Variants in VSTM2L observed in about 807,000 individuals in gnomAD.
VSTM2L encodes the protein V-set and transmembrane domain-containing protein 2-like protein.
In VSTM2L, 9 loss-of-function variants were observed where a neutral mutation model predicts 19.9. The observed-to-expected ratio is 0.45, with a 90% CI of 0.27 to 0.79. VSTM2L has a LOEUF of 0.79. Ranked by LOEUF, VSTM2L falls within the 30% of genes least tolerant of loss-of-function variation. The pLI is 0.15. For synonymous variants in VSTM2L, 127 were observed against 133.8 expected, an observed-to-expected ratio of 0.95 and a Z score of 0.35; for missense variants, 286 against 295.5, an observed-to-expected ratio of 0.97 and a Z score of 0.24.
chr20:37,943,974 C>A lies in VSTM2L; in HGVS notation c.343-7C>A, dbSNP rs765133243. On this transcript the variant is annotated splice_polypyrimidine_tract_variant and splice_region_variant and intron_variant, in intron 3 of 3. Coordinates refer to ENST00000373461, the MANE Select transcript of VSTM2L (RefSeq NM_080607.3). ...TGGACAGGTCACGGTCTCTCTGTCA[C>A]CCCCAGGTGGTCAAGGTGGTGGGCA... 2.7e-6 allele frequency: 4 copies of A among 1,465,408 alleles called. No homozygotes were observed. Among genetic ancestry groups the A allele is most frequent in the South Asian group, 2.5e-5 (2 of 81,596 alleles). The allele number at this position is 1,465,408 out of a possible 1,614,324, so 90.8% of individuals were successfully genotyped here. A position where few individuals can be genotyped will look rare whatever the true frequency, so the allele number is the denominator to read the frequency against.
intron 1 of VSTM2L, 74 bp downstream of exon 1, chr20:37,903,545 C>T (rs1242026291): frequency 7.5e-7 from 1 of 1,332,276 alleles, no homozygotes. Context: ...AACTTGGCCG[C>T]CCCGGGGCTC....
At chr20:37,935,923 C>T (rs918941679) in intron 3 of VSTM2L, among the ~76,000 whole-genome samples, 93 of 146,914 alleles carry the variant, frequency 6.3e-4, no homozygotes, top group African/African-American at 2.3e-3. Flanking sequence ...TCACTGTTGT[C>T]ACCCAGGCTG....
intron 3 of VSTM2L, among the ~76,000 whole-genome samples, chr20:37,934,247 G>A (rs1168752279): frequency 6.6e-6 from 1 of 152,200 alleles, no homozygotes; most frequent in Non-Finnish European, 1.5e-5. Context: ...GGGCCCAGGG[G>A]AGTTCAGGGA....
At chr20:37,938,214 G>T (rs1361745557) in intron 3 of VSTM2L, among the ~76,000 whole-genome samples, 3 of 152,174 alleles carry the variant, frequency 2.0e-5, no homozygotes, top group Non-Finnish European at 4.4e-5. Context: ...TTTAGAGGAG[G>T]TCAGTGGGTT....
At chr20:37,928,356 A>G (rs1568839791) in intron 1 of VSTM2L, among the ~76,000 whole-genome samples, 1 of 151,760 alleles carries the variant, frequency 6.6e-6, no homozygotes, top group Non-Finnish European at 1.5e-5. Flanking sequence ...GTCAGGGAAG[A>G]CTCCAAGGGC....
chr20:37,907,132 G>A, intron 1 of VSTM2L, among the ~76,000 whole-genome samples: 1 of 152,174 alleles, frequency 6.6e-6, no homozygotes, highest in East Asian at 1.9e-4. Flanking sequence ...CTTGAGACAA[G>A]ATCTTGCTCT....
intron 1 of VSTM2L, among the ~76,000 whole-genome samples, chr20:37,923,234 T>C (rs1481041135): frequency 6.6e-6 from 1 of 152,150 alleles, no homozygotes; most frequent in Non-Finnish European, 1.5e-5. Context: ...AGGTTCATGC[T>C]GAACCAGGGT....
intron 3 of VSTM2L, among the ~76,000 whole-genome samples, chr20:37,936,710 G>A (rs1259384945): frequency 6.6e-6 from 1 of 152,188 alleles, no homozygotes; most frequent in Non-Finnish European, 1.5e-5. Context: ...CCCAGGAGCT[G>A]AGTCCTGGTT....
At chr20:37,929,467 G>C (rs960720096) in intron 1 of VSTM2L, among the ~76,000 whole-genome samples, 1 of 152,192 alleles carries the variant, frequency 6.6e-6, no homozygotes, top group African/African-American at 2.4e-5. Flanking sequence ...GGGCATGGTG[G>C]CTCATACCTA....
At chr20:37,930,499 C>T (rs1410373189) in intron 1 of VSTM2L, among the ~76,000 whole-genome samples, 1 of 151,984 alleles carries the variant, frequency 6.6e-6, no homozygotes, top group Non-Finnish European at 1.5e-5. Context: ...GTGACCTGCA[C>T]GTTGCCAGGC....
At chr20:37,920,953 A>G (rs2072847351) in intron 1 of VSTM2L, among the ~76,000 whole-genome samples, 1 of 152,142 alleles carries the variant, frequency 6.6e-6, no homozygotes, top group Admixed American at 6.6e-5. Context: ...TGTGTTTAGT[A>G]CATGCCTAGC....
chr20:37,909,920 G>A (rs547556730), intron 1 of VSTM2L, among the ~76,000 whole-genome samples: 1 of 152,200 alleles, frequency 6.6e-6, no homozygotes, highest in Non-Finnish European at 1.5e-5. Flanking sequence ...GAGAAGTGAG[G>A]TGGCAGTGGG....
rs1178031333 is a variant in VSTM2L, at chr20:37,944,285, C to A, written c.*32C>A. The A allele has an allele frequency of 2.1e-6, 3 of 1,457,142 alleles. No individual in the cohort carries two copies. Among genetic ancestry groups the A allele is most frequent in the Non-Finnish European group, 1.8e-6 (2 of 1,097,914 alleles). 90.3% of individuals were successfully genotyped at this position (1,457,142 alleles called of 1,614,324 possible). A position where few individuals can be genotyped will look rare whatever the true frequency, so the allele number is the denominator to read the frequency against. On this transcript the variant is annotated 3_prime_UTR_variant, in exon 4 of 4. Transcript: ENST00000373461. ...GCCCCTGCCCCCGCCCATCCGCCCC[C>A]ACGCTGTACAGAGTGCATGAGGAGC...
intron 3 of VSTM2L, among the ~76,000 whole-genome samples, chr20:37,940,746 C>T (rs1244303348): frequency 6.6e-6 from 1 of 152,220 alleles, no homozygotes; most frequent in Non-Finnish European, 1.5e-5. Context: ...TTCTGCATGG[C>T]TGGGGAGGCC....
At chr20:37,931,540 T>A in intron 1 of VSTM2L, 95 bp from the exon 2 acceptor site, 1 of 1,188,896 alleles carries the variant, frequency 8.4e-7, no homozygotes, top group African/African-American at 1.5e-5. Context: ...TCCCCCGCCG[T>A]GCAGGGCCAG....
chr20:37,911,464 C>G (rs562398715), intron 1 of VSTM2L, among the ~76,000 whole-genome samples: 1 of 152,150 alleles, frequency 6.6e-6, no homozygotes, highest in Non-Finnish European at 1.5e-5. Flanking sequence ...CAGAACACAG[C>G]GGGCGGCTAA....
intron 2 of VSTM2L, 150 bp downstream of exon 2, chr20:37,931,954 T>C (rs1012039797): frequency 9.0e-6 from 9 of 1,001,784 alleles, no homozygotes; most frequent in Non-Finnish European, 1.3e-5. Context: ...TTCTTCCTCC[T>C]GGGGTGGGGG....
Position 37,906,418 on chromosome 20 carries a change from TTTC to T in VSTM2L, c.121+2950_121+2952del, listed in dbSNP as rs1359982954. 2.6e-5 allele frequency among the ~76,000 whole-genome samples: 4 copies of T among 152,220 alleles called. No individual in the cohort carries two copies. In the East Asian group the frequency reaches 7.7e-4, roughly 29 times the overall value. On this transcript the variant is annotated intron_variant, in intron 1 of 3. Coordinates refer to ENST00000373461, the MANE Select transcript of VSTM2L (RefSeq NM_080607.3). ...CAATAAACAGGAGTGATTTTGATTTTTTCTTATCAGAAAATGTTAACTCATTGC... is the reference window on the plus strand; with the variant it reads ...CAATAAACAGGAGTGATTTTGATTTTTTATCAGAAAATGTTAACTCATTGC...
chr20:37,930,859 C>T (rs544075322), intron 1 of VSTM2L, among the ~76,000 whole-genome samples: 8 of 152,288 alleles, frequency 5.3e-5, no homozygotes, highest in African/African-American at 1.2e-4. Flanking sequence ...CAACTGCCAG[C>T]GGCAGGAGCT....
Sources: gnomAD v4.1 joint callset for allele counts (sites outside exome capture counted in the v4.1 genomes callset) on GRCh38, gnomAD v4.1.1 for gene constraint, MANE v1.5 for transcripts, NCBI Gene and HGNC (gene_info 2026-07-23, HGNC 2026-07-21) for gene names.